JPH2: variants seen among roughly 807,000 people sequenced by gnomAD.
JPH2 encodes the protein junctophilin 2.
JPH2 carries 38 observed loss-of-function variants against 55.9 expected under a neutral mutation model. That is an observed-to-expected ratio of 0.68 (90% CI 0.52 to 0.89). The LOEUF (loss-of-function observed/expected upper bound fraction) is 0.89. JPH2 is among the 40% of genes least tolerant of loss of function. The pLI is 0.00. For synonymous variants in JPH2, 480 were observed against 472.4 expected, an observed-to-expected ratio of 1.02 and a Z score of -0.21; for missense variants, 964 against 1,037.6, an observed-to-expected ratio of 0.93 and a Z score of 0.97.
intron 2 of JPH2, among the ~76,000 whole-genome samples, chr20:44,128,848 G>A (rs7263823): frequency 0.12 from 18,307 of 152,062 alleles, 1,178 homozygotes; most frequent in African/African-American, 0.15. Context: ...CACAGTACCC[G>A]GTTAACATGG....
intron 2 of JPH2, among the ~76,000 whole-genome samples, chr20:44,121,508 T>C (rs2072236015): frequency 6.6e-6 from 1 of 152,082 alleles, no homozygotes; most frequent in Non-Finnish European, 1.5e-5. Context: ...ACTTCACAGG[T>C]GGGGAAACTG....
intron 2 of JPH2, among the ~76,000 whole-genome samples, chr20:44,119,690 G>A (rs1332435548): frequency 2.0e-5 from 3 of 152,068 alleles, no homozygotes; most frequent in Non-Finnish European, 4.4e-5. Flanking sequence ...TGGCTAACAT[G>A]GTGAAACCCC....
intron 2 of JPH2, among the ~76,000 whole-genome samples, chr20:44,138,738 ATTCTTTTTCTTC>A (rs2072435355): frequency 6.6e-6 from 1 of 151,990 alleles, no homozygotes; most frequent in Non-Finnish European, 1.5e-5. Flanking sequence ...GCTTCACTGT[ATTCTTTTTCTTC>A]TTCTTTTTCT....
In JPH2 at chr20:44,148,931, G is replaced by A. The variant is rs536855082; in HGVS notation, c.1169+10687C>T. ...ATACAAAAACAATTAGCTGGGTGTG[G>A]TGGTGAGCGCCCATAGTCCCAGCTA... is the stretch of plus-strand genomic sequence containing the variant. On this transcript the variant is annotated intron_variant, in intron 2 of 5. Transcript: ENST00000372980. Among the ~76,000 whole-genome samples the A allele has an allele frequency of 7.2e-5, 11 of 152,178 alleles. No homozygotes were observed. In the South Asian group the frequency reaches 8.3e-4, roughly 11 times the overall value.
chr20:44,171,229 A>C (rs2072695201), intron 1 of JPH2, among the ~76,000 whole-genome samples: 1 of 152,224 alleles, frequency 6.6e-6, no homozygotes, highest in Non-Finnish European at 1.5e-5. Context: ...AGGATTTGGC[A>C]GTGGAGGAAG....
intron 2 of JPH2, among the ~76,000 whole-genome samples, chr20:44,132,387 C>CAT (rs2072326780): frequency 7.2e-6 from 1 of 138,786 alleles, no homozygotes; most frequent in Non-Finnish European, 1.6e-5. Flanking sequence ...CACACACACA[C>CAT]ACACACACAC....
chr20:44,167,082 C>G (rs577886004), intron 1 of JPH2, among the ~76,000 whole-genome samples: 6 of 152,370 alleles, frequency 3.9e-5, no homozygotes, highest in African/African-American at 1.4e-4. Context: ...CTTCTATTGA[C>G]AGTTCTAGCT....
chr20:44,183,047 ACACACACAGACACGTG>A (rs905269152), intron 1 of JPH2, among the ~76,000 whole-genome samples: 3 of 152,094 alleles, frequency 2.0e-5, no homozygotes, highest in Non-Finnish European at 4.4e-5. Context: ...ATAAATACAC[ACACACACAGACACGTG>A]CACACACAGA....
At chr20:44,129,830 G>A (rs562036305) in intron 2 of JPH2, among the ~76,000 whole-genome samples, 1 of 152,240 alleles carries the variant, frequency 6.6e-6, no homozygotes, top group East Asian at 1.9e-4. Flanking sequence ...CAGAAGAGGA[G>A]AAGCCAATGT....
At chr20:44,138,606 C>T (rs923928332) in intron 2 of JPH2, among the ~76,000 whole-genome samples, 1 of 151,936 alleles carries the variant, frequency 6.6e-6, no homozygotes, top group Non-Finnish European at 1.5e-5. Context: ...TGGTCTCAAA[C>T]TCCTGGCCTC....
intron 1 of JPH2, among the ~76,000 whole-genome samples, chr20:44,184,996 G>A (rs1218558746): frequency 6.6e-6 from 1 of 152,126 alleles, no homozygotes; most frequent in African/African-American, 2.4e-5. Context: ...GGCTGGTGTT[G>A]AACTCCTGGC....
chr20:44,119,582 C>A (rs2072219827), intron 2 of JPH2, among the ~76,000 whole-genome samples: 1 of 152,138 alleles, frequency 6.6e-6, no homozygotes, highest in Non-Finnish European at 1.5e-5. Context: ...AGTTAAAATA[C>A]TGCCCTGCCA....
intron 2 of JPH2, among the ~76,000 whole-genome samples, chr20:44,135,251 G>A (rs1455763856): frequency 1.3e-5 from 2 of 151,956 alleles, no homozygotes; most frequent in South Asian, 2.1e-4. Flanking sequence ...CTTTCCTAGT[G>A]CCTGAAGGAT....
intron 2 of JPH2, among the ~76,000 whole-genome samples, chr20:44,142,839 G>T (rs545942309): frequency 6.6e-6 from 1 of 152,184 alleles, no homozygotes; most frequent in Non-Finnish European, 1.5e-5. Context: ...AACATGGAGG[G>T]TGCCCCATGC....
intron 1 of JPH2, among the ~76,000 whole-genome samples, chr20:44,183,461 G>A (rs557589878): frequency 1.3e-5 from 2 of 152,286 alleles, no homozygotes; most frequent in African/African-American, 2.4e-5. Flanking sequence ...ACACGGTCTC[G>A]AGGGCAGGCC....
rs1600824240 is a variant in JPH2 at position 44,106,635 on chromosome 20, G to C, written c.*6883C>G. On this transcript the variant is annotated 3_prime_UTR_variant, in exon 6 of 6. Coordinates refer to ENST00000372980, the MANE Select transcript of JPH2 (RefSeq NM_020433.5). ...TGGGACTCACAGTTCCAAGTGGCTA[G>C]GGAAGCCTCACAATCATGGTGGAAG... Among the ~76,000 whole-genome samples the C allele has an allele frequency of 6.6e-6, 1 of 152,232 alleles. No individual in the cohort carries two copies. Among genetic ancestry groups the C allele is most frequent in the Non-Finnish European group, 1.5e-5 (1 of 68,016 alleles).
chr20:44,132,191 A>C (rs560383760), intron 2 of JPH2, among the ~76,000 whole-genome samples: 1 of 152,286 alleles, frequency 6.6e-6, no homozygotes, highest in Non-Finnish European at 1.5e-5. Context: ...AAGATATGTT[A>C]AATCAGGTAG....
chr20:44,118,451 G>T lies in JPH2; in HGVS notation c.1288+54C>A, dbSNP rs144721330. The T allele has an allele frequency of 1.0e-3, 1,449 of 1,387,396 alleles. 17 individuals carry two copies. The Middle Eastern group carries it at 0.011, about 11-fold the overall frequency. 85.9% of individuals were successfully genotyped at this position (1,387,396 alleles called of 1,614,324 possible). A position where few individuals can be genotyped will look rare whatever the true frequency, so the allele number is the denominator to read the frequency against. On this transcript the variant is annotated intron_variant, in intron 3 of 5. Coordinates refer to ENST00000372980, the MANE Select transcript of JPH2 (RefSeq NM_020433.5). ...CTCAGATTCCAGTAAGCAAAGAAAA[G>T]CGCCCACCCTAGGGATAGCCCTACC...
intron 2 of JPH2, among the ~76,000 whole-genome samples, chr20:44,151,810 C>T (rs1440453128): frequency 1.3e-5 from 2 of 152,218 alleles, no homozygotes; most frequent in African/African-American, 4.8e-5. Context: ...TCTTTCCCCA[C>T]CCATTCCAGC....
Sources: allele counts gnomAD v4.1 joint callset (sites outside exome capture counted in the v4.1 genomes callset), GRCh38; gene constraint gnomAD v4.1.1; transcripts MANE v1.5; gene names NCBI Gene and HGNC (gene_info 2026-07-23, HGNC 2026-07-21).